Variants in TMED3 observed in about 807,000 individuals in gnomAD.
The protein encoded by TMED3 is transmembrane p24 trafficking protein 3.
TMED3 carries 9 observed loss-of-function variants against 15.0 expected under a neutral mutation model. The ratio of observed to expected loss-of-function variants is 0.60; its 90% CI spans 0.36 to 1.04. The LOEUF (loss-of-function observed/expected upper bound fraction) is 1.04. TMED3 is among the 50% of genes least tolerant of loss of function. The probability of loss-of-function intolerance (pLI) is 0.01; values close to 1 mark genes in which losing one functional copy is unlikely to be tolerated. For synonymous variants in TMED3, 117 were observed against 121.4 expected, an observed-to-expected ratio of 0.96 and a Z score of 0.24; for missense variants, 267 against 278.9, an observed-to-expected ratio of 0.96 and a Z score of 0.30.
chr15:79,404,780 T>G (rs1450418797), intron 2 of TMED3, among the ~76,000 whole-genome samples: 1 of 152,244 alleles, frequency 6.6e-6, no homozygotes, highest in Admixed American at 6.5e-5. Context: ...CTCTGCTCAC[T>G]GGGAGGATTT....
At chr15:79,377,855 C>T (rs1893457667) in intron 2 of TMED3, among the ~76,000 whole-genome samples, 1 of 152,086 alleles carries the variant, frequency 6.6e-6, no homozygotes, top group Admixed American at 6.5e-5. Context: ...ACCGTGTTAG[C>T]CAGGATGGTC....
At chr15:79,409,950 A>T (rs1203905366) in intron 2 of TMED3, among the ~76,000 whole-genome samples, 2 of 152,176 alleles carry the variant, frequency 1.3e-5, no homozygotes, top group Non-Finnish European at 2.9e-5. Context: ...AGAGGGGTAA[A>T]CTAATACCCG....
chr15:79,353,271 A>T (rs60142293), intron 2 of TMED3, among the ~76,000 whole-genome samples: 3,797 of 35,926 alleles, frequency 0.11, 336 homozygotes, highest in East Asian at 0.16. Flanking sequence ...ATTATATATA[A>T]TATATATAAT....
intron 1 of TMED3, among the ~76,000 whole-genome samples, chr15:79,313,483 G>A (rs1420483111): frequency 2.0e-5 from 3 of 152,174 alleles, no homozygotes; most frequent in Admixed American, 2.0e-4. Flanking sequence ...AAAATGGAAA[G>A]GATTAGGCTC....
chr15:79,408,587 G>A (rs1893931567), intron 2 of TMED3, among the ~76,000 whole-genome samples: 1 of 152,328 alleles, frequency 6.6e-6, no homozygotes, highest in South Asian at 2.1e-4. Flanking sequence ...ATTGAGCCAC[G>A]GAGACAGAGA....
intron 2 of TMED3, among the ~76,000 whole-genome samples, chr15:79,401,815 G>C (rs1287813355): frequency 6.6e-6 from 1 of 152,172 alleles, no homozygotes; most frequent in Non-Finnish European, 1.5e-5. Context: ...GGGGTATGTT[G>C]GGTGGGGATG....
intron 2 of TMED3, among the ~76,000 whole-genome samples, chr15:79,352,888 A>G (rs533222832): frequency 1.2e-4 from 12 of 103,454 alleles, no homozygotes; most frequent in Non-Finnish European, 2.1e-4. Context: ...TATACATATA[A>G]TATATATAAA....
chr15:79,337,872 T>C (rs2058832740), intron 2 of TMED3, among the ~76,000 whole-genome samples: 1 of 152,216 alleles, frequency 6.6e-6, no homozygotes, highest in Non-Finnish European at 1.5e-5. Context: ...TGTTTGGTGA[T>C]AAAACATTAC....
chr15:79,360,573 T>C (rs1401291299), intron 2 of TMED3, among the ~76,000 whole-genome samples: 1 of 152,252 alleles, frequency 6.6e-6, no homozygotes, highest in Non-Finnish European at 1.5e-5. Flanking sequence ...AACAGTACAC[T>C]GTAGTGTGTC....
intron 2 of TMED3, among the ~76,000 whole-genome samples, chr15:79,375,947 A>C (rs1282049237): frequency 6.6e-6 from 1 of 152,154 alleles, no homozygotes; most frequent in Non-Finnish European, 1.5e-5. Flanking sequence ...TGAAGGGCAA[A>C]AATATGGCAG....
At chr15:79,348,795 C>T (rs955173718) in intron 2 of TMED3, among the ~76,000 whole-genome samples, 6 of 152,032 alleles carry the variant, frequency 3.9e-5, no homozygotes, top group Non-Finnish European at 8.8e-5. Context: ...GTAAGGGTTC[C>T]TTTTTCTCCA....
chr15:79,355,431 GA>G (rs1281506831), intron 2 of TMED3, among the ~76,000 whole-genome samples: 2 of 152,152 alleles, frequency 1.3e-5, no homozygotes, highest in Non-Finnish European at 2.9e-5. Flanking sequence ...GTATGTGAAA[GA>G]AAGCCACACC....
intron 2 of TMED3, among the ~76,000 whole-genome samples, chr15:79,382,174 G>A (rs1439407697): frequency 1.3e-5 from 2 of 152,126 alleles, no homozygotes; most frequent in African/African-American, 4.8e-5. Context: ...AACATGAATG[G>A]CAGGCCTGTC....
At chr15:79,344,402 C>T (rs1159675488) in intron 2 of TMED3, among the ~76,000 whole-genome samples, 3 of 152,194 alleles carry the variant, frequency 2.0e-5, no homozygotes, top group African/African-American at 7.2e-5. Flanking sequence ...GGGTTGGCTC[C>T]TTCCAGATGC....
intron 2 of TMED3, among the ~76,000 whole-genome samples, chr15:79,353,293 GTATATTATATATAT>G (rs2058903804): frequency 1.4e-4 from 3 of 20,894 alleles, no homozygotes; most frequent in African/African-American, 2.3e-4. Context: ...TATATTATAT[GTATATTATATATAT>G]TATATATATA....
chr15:79,333,999 G>A (rs1022861009), intron 2 of TMED3, among the ~76,000 whole-genome samples: 2 of 152,082 alleles, frequency 1.3e-5, no homozygotes, highest in Non-Finnish European at 1.5e-5. Context: ...CAAATCCAGA[G>A]TAGCCTCACA....
intron 2 of TMED3, among the ~76,000 whole-genome samples, chr15:79,332,250 A>G (rs927468177): frequency 4.6e-5 from 7 of 152,244 alleles, no homozygotes; most frequent in African/African-American, 1.4e-4. Flanking sequence ...AGATACCGCC[A>G]TCATCAATGG....
chr15:79,354,623 CA>C (rs60577285), intron 2 of TMED3, among the ~76,000 whole-genome samples: 22,571 of 120,782 alleles, frequency 0.19, 1,911 homozygotes, highest in Non-Finnish European at 0.25. Context: ...ATAGAAGAGG[CA>C]AAAAAAAAAA....
rs541361012 is a variant in TMED3 at position 79,409,639 on chromosome 15, C to T, written c.418-1761C>T. Reference sequence around the variant, plus strand: ...AAGAATATTCTGTGTTCTTTATTGACCATTCAACCAAATAAAAGCACTTTG... The same window carrying T: ...AAGAATATTCTGTGTTCTTTATTGATCATTCAACCAAATAAAAGCACTTTG... On this transcript the variant is annotated intron_variant, in intron 2 of 2. Transcript: ENST00000424155. 7.5e-4 allele frequency among the ~76,000 whole-genome samples: 114 copies of T among 152,282 alleles called. 1 individual carries two copies. Among genetic ancestry groups the T allele is most frequent in the African/African-American group, 2.6e-3 (106 of 41,562 alleles).
Sources: allele counts gnomAD v4.1 joint callset (sites outside exome capture counted in the v4.1 genomes callset), GRCh38; gene constraint gnomAD v4.1.1; transcripts MANE v1.5; gene names NCBI Gene and HGNC (gene_info 2026-07-23, HGNC 2026-07-21).